RNF216: variants seen among roughly 807,000 people sequenced by gnomAD.
The protein encoded by RNF216 is ring finger protein 216.
In RNF216, 72 loss-of-function variants were observed where a neutral mutation model predicts 110.8. That is an observed-to-expected ratio of 0.65 (90% CI 0.54 to 0.79). The LOEUF (loss-of-function observed/expected upper bound fraction) is 0.79, where lower values mean the gene tolerates loss of function less well. Among genes scored for constraint, RNF216 ranks in the 30% least tolerant of loss-of-function variants. The pLI, the probability that RNF216 is intolerant of heterozygous loss-of-function variation, is 0.00. For missense variants in RNF216, 1,342 were observed against 1,141.2 expected, an observed-to-expected ratio of 1.18 and a Z score of -2.54; for synonymous variants, 495 against 407.5, an observed-to-expected ratio of 1.21 and a Z score of -2.59.
chr7:5,654,191 G>A (rs1788585102), intron 13 of RNF216, among the ~76,000 whole-genome samples: 1 of 152,198 alleles, frequency 6.6e-6, no homozygotes, highest in African/African-American at 2.4e-5. Flanking sequence ...GGTAGAAAAG[G>A]GGACTGACTT....
rs996663295 is a variant in RNF216 at position 5,696,564 on chromosome 7, C to T, written c.2061+15197G>A. On this transcript the variant is annotated intron_variant, in intron 13 of 16. Coordinates refer to ENST00000389902, the MANE Select transcript of RNF216 (RefSeq NM_207111.4). This position sits in a 1 kb window ranked among gnomAD's most constrained non-coding sequence, Gnocchi z 5.4. The stretch of plus-strand genomic sequence containing the variant: ...AGGCCGGGGCAGCCTCCTAGACACG[C>T]GTGCCCAAGATCGTGTCCTATGGTC... Among the ~76,000 whole-genome samples the T allele has an allele frequency of 6.6e-6, 1 of 152,158 alleles. No individual in the cohort carries two copies. The highest frequency in any genetic ancestry group is 1.5e-5 in the Non-Finnish European group (1 of 68,028).
rs569767913 is a variant in RNF216 at position 5,723,659 on chromosome 7, T to A, written c.1504+1665A>T. On this transcript the variant is annotated intron_variant, in intron 8 of 16. Transcript: ENST00000389902. ...AAGACTCCGTCTCAAAAAAAAAAAA[T>A]AAATAAATAAATGCAATTAAGTCTA... 2.1e-3 allele frequency among the ~76,000 whole-genome samples: 320 copies of A among 150,780 alleles called. 13 individuals carry two copies. The highest frequency in any genetic ancestry group is 2.1e-3 in the African/African-American group (88 of 40,942).
chr7:5,747,654 G>A (rs778030776), intron 3 of RNF216, among the ~76,000 whole-genome samples: 1 of 145,024 alleles, frequency 6.9e-6, no homozygotes, highest in African/African-American at 2.5e-5. Context: ...TGGAGGCTGA[G>A]GCACAAGAAT....
chr7:5,746,916 T>A (rs559172743), intron 3 of RNF216, among the ~76,000 whole-genome samples: 1 of 152,234 alleles, frequency 6.6e-6, no homozygotes, highest in Non-Finnish European at 1.5e-5. Context: ...CTTACTGGCA[T>A]TCAGAAGCCT....
chr7:5,659,141 G>A (rs916140374), intron 13 of RNF216, among the ~76,000 whole-genome samples: 4 of 152,118 alleles, frequency 2.6e-5, no homozygotes, highest in African/African-American at 9.7e-5. Context: ...TCTGAGTGAC[G>A]GTGGGAGGCA....
At chr7:5,638,449 C>T (rs1396992920) in intron 15 of RNF216, among the ~76,000 whole-genome samples, 11 of 152,276 alleles carry the variant, frequency 7.2e-5, no homozygotes, top group Middle Eastern at 3.4e-3. Flanking sequence ...ATCAAGTACA[C>T]GCACTACATC....
At chr7:5,660,497 G>A (rs1025765838) in intron 13 of RNF216, among the ~76,000 whole-genome samples, 3 of 151,074 alleles carry the variant, frequency 2.0e-5, no homozygotes, top group African/African-American at 4.9e-5. Context: ...TCACCATGTC[G>A]GCCAGGATGG....
chr7:5,623,106 C>T lies in RNF216; in HGVS notation c.2526G>A (p.Pro842=), dbSNP rs374814239. 13 of 1,608,284 alleles carry T rather than the reference C, an allele frequency of 8.1e-6. No homozygotes were observed. Among genetic ancestry groups the T allele is most frequent in the African/African-American group, 6.7e-5 (5 of 74,814 alleles). ...VEKVQRVEAL[P]RPVPQNLPQP... ...GTGGCAGGTTCTGCGGAACGGGCCT[C>T]GGGAGGGCCTCCACCCTCTGCACCT... The change falls in exon 17 of 17, where the codon CCG becomes CCA. Residue 842 remains proline (P), a synonymous_variant. Transcript: ENST00000389902.
chr7:5,685,046 G>A (rs1790891736), intron 13 of RNF216, among the ~76,000 whole-genome samples: 2 of 152,128 alleles, frequency 1.3e-5, no homozygotes, highest in Admixed American at 1.3e-4. Flanking sequence ...TGCTGATGGT[G>A]AGCCACGCTC....
Position 5,752,499 on chromosome 7 carries a change from A to G in RNF216, c.201+347T>C, listed in dbSNP as rs145118313. On this transcript the variant is annotated intron_variant, in intron 3 of 16. Transcript: ENST00000389902. The stretch of plus-strand genomic sequence containing the variant: ...AAGAAGTTGATTGTAAAATCCATAT[A>G]AAAATTTAAGTGCAAGAATATCCAG... Among the ~76,000 whole-genome samples the G allele has an allele frequency of 5.6e-4, 86 of 152,336 alleles. 1 individual carries two copies. Among genetic ancestry groups the G allele is most frequent in the African/African-American group, 2.0e-3 (83 of 41,580 alleles).
intron 13 of RNF216, among the ~76,000 whole-genome samples, chr7:5,706,077 G>T (rs780575152): frequency 6.6e-6 from 1 of 151,898 alleles, no homozygotes; most frequent in Non-Finnish European, 1.5e-5. Context: ...AAAATTAGCC[G>T]GGCATGGTGG....
intron 15 of RNF216, among the ~76,000 whole-genome samples, chr7:5,628,667 G>A (rs1454127253): frequency 2.0e-5 from 3 of 148,494 alleles, no homozygotes; most frequent in East Asian, 2.1e-4. Context: ...GACTACAGGC[G>A]CCCACCACCA....
chr7:5,673,276 C>T (rs1790044009), intron 13 of RNF216, among the ~76,000 whole-genome samples: 1 of 152,242 alleles, frequency 6.6e-6, no homozygotes, highest in Admixed American at 6.5e-5. Flanking sequence ...CCTATCTACC[C>T]TGCCTGCTTA....
intron 13 of RNF216, among the ~76,000 whole-genome samples, chr7:5,707,851 A>G (rs1200639586): frequency 6.6e-6 from 1 of 150,700 alleles, no homozygotes; most frequent in Non-Finnish European, 1.5e-5. Context: ...TCAGCCTCCC[A>G]AGTAGCTGCG....
At chr7:5,628,685 C>T (rs953163412) in intron 15 of RNF216, among the ~76,000 whole-genome samples, 5 of 138,976 alleles carry the variant, frequency 3.6e-5, no homozygotes, top group Admixed American at 3.6e-4. Flanking sequence ...CCATATCTGA[C>T]TTTTTTTTTT....
rs562763116 is a variant in RNF216, at chr7:5,625,331, T to C, written c.2383-1206A>G. 4.6e-5 allele frequency among the ~76,000 whole-genome samples: 7 copies of C among 152,312 alleles called. No individual in the cohort carries two copies. The East Asian group carries it at 1.3e-3, about 29-fold the overall frequency. ...TGAGAGGATTAGCAAGTCCCAACAATGCAAGCAGTCTAATGAAAGCACATT... is the reference window on the plus strand; with the variant it reads ...TGAGAGGATTAGCAAGTCCCAACAACGCAAGCAGTCTAATGAAAGCACATT... On this transcript the variant is annotated intron_variant, in intron 15 of 16. Coordinates refer to ENST00000389902, the MANE Select transcript of RNF216 (RefSeq NM_207111.4).
chr7:5,727,204 ATCTC>A (rs1179674255), intron 7 of RNF216, among the ~76,000 whole-genome samples: 2 of 152,188 alleles, frequency 1.3e-5, no homozygotes, highest in African/African-American at 4.8e-5. Flanking sequence ...AGGTGATCTC[ATCTC>A]TCTTTCAATG....
Position 5,680,891 on chromosome 7 carries a change from C to T in RNF216, c.2062-28381G>A, listed in dbSNP as rs745469260. 6.6e-6 allele frequency among the ~76,000 whole-genome samples: 1 copy of T among 152,130 alleles called. No homozygotes were observed. Among genetic ancestry groups the T allele is most frequent in the Non-Finnish European group, 1.5e-5 (1 of 68,028 alleles). Reference sequence around the variant, plus strand: ...CAGCTTGTCCTTTCTGTTCCGCCTCCAAAATGCACCTCACATCTAACCCAC... The same window carrying T: ...CAGCTTGTCCTTTCTGTTCCGCCTCTAAAATGCACCTCACATCTAACCCAC... On this transcript the variant is annotated intron_variant, in intron 13 of 16. Transcript: ENST00000389902. The surrounding 1 kb of genome is among the most constrained non-coding windows in gnomAD (Gnocchi z 4.3).
chr7:5,739,153 A>G (rs761935230), intron 5 of RNF216, 123 bp downstream of exon 5: 47 of 1,164,178 alleles, frequency 4.0e-5, no homozygotes, highest in Non-Finnish European at 5.3e-5. Flanking sequence ...GTTGCATAAT[A>G]ATGTGAATTT....
Sources: gnomAD v4.1 joint callset for allele counts (sites outside exome capture counted in the v4.1 genomes callset) on GRCh38, gnomAD v4.1.1 for gene constraint, Gnocchi (gnomAD v3.1) non-coding constraint, MANE v1.5 for transcripts, NCBI Gene and HGNC (gene_info 2026-07-23, HGNC 2026-07-21) for gene names.